Variants in KIF1A observed in about 807,000 individuals in gnomAD.
KIF1A encodes kinesin-like protein KIF1A.
A neutral mutation model predicts 227.3 loss-of-function variants in KIF1A; 46 were observed. The observed-to-expected ratio is 0.20, with a 90% CI of 0.16 to 0.26. The LOEUF (loss-of-function observed/expected upper bound fraction) is 0.26. Among genes scored for constraint, KIF1A ranks in the 10% least tolerant of loss-of-function variants. The pLI, the probability that KIF1A is intolerant of heterozygous loss-of-function variation, is 1.00. For synonymous variants in KIF1A, 1,022 were observed against 1,012.8 expected (o/e 1.01, Z -0.17); for missense variants, 1,683 against 2,485.9 (o/e 0.68, Z 6.87).
intron 1 of KIF1A, among the ~76,000 whole-genome samples, chr2:240,812,303 G>A (rs1408492463): frequency 3.3e-5 from 5 of 152,202 alleles, no homozygotes; most frequent in Admixed American, 1.3e-4. Context: ...GCCTCAGCTC[G>A]AGGAGTGTCC....
In KIF1A at chr2:240,717,690, C is replaced by T. The variant is rs555484581; in HGVS notation, c.5334-284G>A. Among the ~76,000 whole-genome samples, 8 of 152,346 alleles carry T rather than the reference C, an allele frequency of 5.3e-5. No homozygotes were observed. The South Asian group carries it at 1.4e-3, about 28-fold the overall frequency. On this transcript the variant is annotated intron_variant, in intron 48 of 48. Transcript: ENST00000498729. The stretch of plus-strand genomic sequence containing the variant: ...CACGGTTTCCCCATGCCGAGGCCAC[C>T]GGGTTAGGATGTAATTTTGAAAGTA...
chr2:240,817,451 C>T (rs1158443739), intron 1 of KIF1A, among the ~76,000 whole-genome samples: 1 of 152,224 alleles, frequency 6.6e-6, no homozygotes, highest in Non-Finnish European at 1.5e-5. Context: ...ACCACGTGCT[C>T]ATCCTACCAA....
rs924458095 is a variant in KIF1A, at chr2:240,760,249, C to T, written c.2444+416G>A. Among the ~76,000 whole-genome samples the T allele has an allele frequency of 3.3e-5, 5 of 152,206 alleles. 1 individual carries two copies. Among genetic ancestry groups the T allele is most frequent in the Admixed American group, 6.5e-5 (1 of 15,288 alleles). On this transcript the variant is annotated intron_variant, in intron 25 of 48. Coordinates refer to ENST00000498729, the MANE Select transcript of KIF1A (RefSeq NM_001244008.2). ...ATGGAGGAGCAAGGGGGCATTCCTT[C>T]CATCCCCCACCACCTCTCCCAGTCC...
rs903657898 is a variant in KIF1A, at chr2:240,769,567, C to T, written c.1421+60G>A. 4 of 1,437,808 alleles carry T rather than the reference C, an allele frequency of 2.8e-6. No individual in the cohort carries two copies. In the African/African-American group the frequency reaches 5.6e-5, roughly 20 times the overall value. The allele number at this position is 1,437,808 out of a possible 1,614,324, so 89.1% of individuals were successfully genotyped here. A position where few individuals can be genotyped will look rare whatever the true frequency, so the allele number is the denominator to read the frequency against. On this transcript the variant is annotated intron_variant, in intron 16 of 48. Coordinates refer to ENST00000498729, the MANE Select transcript of KIF1A (RefSeq NM_001244008.2). ...GGCAGGGCTCAGTGCTCATCCTGCC[C>T]AGGCTCCGGGCTTGCTGGCTGCACC... is the stretch of plus-strand genomic sequence containing the variant.
At chr2:240,785,200 A>G in intron 6 of KIF1A, 100 bp from the exon 7 acceptor site, 1 of 957,224 alleles carries the variant, frequency 1.0e-6, no homozygotes, top group Non-Finnish European at 1.6e-6. Context: ...CGGGGGGGGC[A>G]GTTCCCCCAG....
chr2:240,813,104 C>T (rs2058075352), intron 1 of KIF1A, among the ~76,000 whole-genome samples: 1 of 152,210 alleles, frequency 6.6e-6, no homozygotes, highest in Admixed American at 6.5e-5. Flanking sequence ...CAGAACAAAG[C>T]ATCGGCATGG....
At chr2:240,796,653 T>C (rs1196798718) in intron 2 of KIF1A, among the ~76,000 whole-genome samples, 6 of 152,134 alleles carry the variant, frequency 3.9e-5, no homozygotes, top group Admixed American at 2.6e-4. Flanking sequence ...GCAGCCTCCA[T>C]ACCCTGGAGT....
chr2:240,804,861 C>A (rs1361831391), intron 1 of KIF1A, among the ~76,000 whole-genome samples: 2 of 152,084 alleles, frequency 1.3e-5, no homozygotes, highest in African/African-American at 2.4e-5. Flanking sequence ...CATACAAATC[C>A]TCCCAGGAGA....
At position 240,769,120 on chromosome 2, in the gene KIF1A, A is replaced by T; in HGVS notation, c.1497+13T>A. On this transcript the variant is annotated intron_variant, in intron 17 of 48. Transcript: ENST00000498729. ...AGATGAGGGCAGTACCACAGAACTG[A>T]GATAGCTCCTACCTTTTTGGGAGAG... 1 of 1,603,148 alleles carries T rather than the reference A, an allele frequency of 6.2e-7. No homozygotes were observed. Among genetic ancestry groups the T allele is most frequent in the Non-Finnish European group, 8.5e-7 (1 of 1,174,622 alleles).
chr2:240,741,423 A>G, intron 34 of KIF1A, 46 bp from the exon 35 acceptor site: 3 of 1,400,468 alleles, frequency 2.1e-6, no homozygotes, highest in South Asian at 1.4e-5. Flanking sequence ...GACCTGACCT[A>G]TCACGTGCCA....
At chr2:240,772,621 A>C in intron 13 of KIF1A, 25 bp from the exon 14 acceptor site, 1 of 1,441,150 alleles carries the variant, frequency 6.9e-7, no homozygotes, top group African/African-American at 1.4e-5. Flanking sequence ...AGCGTGGGGG[A>C]GGGGGAGAGA....
At chr2:240,717,581 A>T (rs1019361196) in intron 48 of KIF1A, among the ~76,000 whole-genome samples, 175 bp from the exon 49 acceptor site, 7 of 152,160 alleles carry the variant, frequency 4.6e-5, no homozygotes, top group Non-Finnish European at 1.0e-4. Context: ...TGTAGGACTC[A>T]GCCCGCCCAT....
chr2:240,745,338 G>T, intron 32 of KIF1A, 89 bp downstream of exon 32: 1 of 1,050,094 alleles, frequency 9.5e-7, no homozygotes. Context: ...CACAACTGGT[G>T]TTCAGAAGAG....
intron 16 of KIF1A, 123 bp downstream of exon 16, chr2:240,769,504 A>G: frequency 1.3e-6 from 1 of 776,698 alleles, no homozygotes; most frequent in Non-Finnish European, 2.1e-6. Context: ...CTGGGCTGGG[A>G]TGTGGCCACC....
chr2:240,731,346 C>A (rs1192787680), intron 38 of KIF1A, among the ~76,000 whole-genome samples: 1 of 152,206 alleles, frequency 6.6e-6, no homozygotes, highest in East Asian at 1.9e-4. Flanking sequence ...GCATCCTGTC[C>A]CCACAGGCTT....
At chr2:240,807,128 G>GTA (rs1187764562) in intron 1 of KIF1A, among the ~76,000 whole-genome samples, 1,389 of 90,870 alleles carry the variant, frequency 0.015, 3 homozygotes, top group Non-Finnish European at 0.022. Flanking sequence ...GTGTGTGTGT[G>GTA]TGTATATATA....
chr2:240,777,163 C>T (rs1421884141), intron 10 of KIF1A, among the ~76,000 whole-genome samples: 1 of 152,174 alleles, frequency 6.6e-6, no homozygotes, highest in Non-Finnish European at 1.5e-5. Flanking sequence ...CATGCCTCAG[C>T]CTCCTGAGTA....
chr2:240,762,978 G>T (rs1238718311), intron 22 of KIF1A, 41 bp downstream of exon 22: 1 of 1,433,492 alleles, frequency 7.0e-7, no homozygotes, highest in Non-Finnish European at 9.2e-7. Flanking sequence ...CCCCTGGTGT[G>T]GGTGGGGGCT....
chr2:240,805,832 A>G (rs2057361734), intron 1 of KIF1A, among the ~76,000 whole-genome samples: 2 of 152,228 alleles, frequency 1.3e-5, no homozygotes, highest in South Asian at 4.1e-4. Context: ...TTAAAAACCC[A>G]TATGTTTAGA....
Sources: allele counts gnomAD v4.1 joint callset (sites outside exome capture counted in the v4.1 genomes callset), GRCh38; gene constraint gnomAD v4.1.1; transcripts MANE v1.5; gene names NCBI Gene and HGNC (gene_info 2026-07-23, HGNC 2026-07-21).